Variants in TSPAN18 observed in about 807,000 individuals in gnomAD.
The protein encoded by TSPAN18 is tetraspanin 18, also known as tetraspanin-18.
In TSPAN18, 14 loss-of-function variants were observed where a neutral mutation model predicts 27.3. The observed-to-expected ratio is 0.51, with a 90% CI of 0.34 to 0.80. The LOEUF (loss-of-function observed/expected upper bound fraction) is 0.80, where lower values mean the gene tolerates loss of function less well. TSPAN18 is among the 30% of genes least tolerant of loss of function. TSPAN18 has a pLI of 0.01. For synonymous variants in TSPAN18, 143 were observed against 136.5 expected, an observed-to-expected ratio of 1.05 and a Z score of -0.33; for missense variants, 268 against 323.9, an observed-to-expected ratio of 0.83 and a Z score of 1.32.
At chr11:44,728,159 C>T (rs1235829474) in intron 1 of TSPAN18, among the ~76,000 whole-genome samples, 3 of 152,160 alleles carry the variant, frequency 2.0e-5, no homozygotes, top group African/African-American at 7.2e-5. Context: ...ACTAGCCAGA[C>T]GGGGGAGCGG....
At chr11:44,769,205 T>C (rs1855636022) in intron 2 of TSPAN18, among the ~76,000 whole-genome samples, 1 of 152,176 alleles carries the variant, frequency 6.6e-6, no homozygotes, top group Non-Finnish European at 1.5e-5. Flanking sequence ...TATTATTTGA[T>C]TTGTTAATAT....
intron 1 of TSPAN18, among the ~76,000 whole-genome samples, chr11:44,737,694 G>A (rs1267960357): frequency 1.3e-5 from 2 of 152,118 alleles, no homozygotes; most frequent in African/African-American, 4.8e-5. Flanking sequence ...TGGATTCTCT[G>A]TTGTGTTCAA....
intron 2 of TSPAN18, among the ~76,000 whole-genome samples, chr11:44,817,190 C>T (rs917934054): frequency 1.3e-5 from 2 of 152,336 alleles, no homozygotes; most frequent in Non-Finnish European, 2.9e-5. Flanking sequence ...ATCCTGGGTT[C>T]CAGCTCTGGC....
intron 1 of TSPAN18, among the ~76,000 whole-genome samples, chr11:44,762,248 C>T (rs924166629): frequency 6.6e-6 from 1 of 152,272 alleles, no homozygotes; most frequent in Non-Finnish European, 1.5e-5. Flanking sequence ...GGGAAATAAA[C>T]AAATGGTAAA....
intron 1 of TSPAN18, among the ~76,000 whole-genome samples, chr11:44,730,112 C>CT (rs747144056): frequency 6.9e-4 from 105 of 151,992 alleles, no homozygotes; most frequent in Non-Finnish European, 1.4e-3. Flanking sequence ...GGCTGGCTTG[C>CT]CTCTCTCTGC....
intron 2 of TSPAN18, among the ~76,000 whole-genome samples, chr11:44,836,677 T>G (rs1372595541): frequency 6.6e-6 from 1 of 152,198 alleles, no homozygotes. Flanking sequence ...GCTTCAAGGC[T>G]TCAAAGGACA....
Position 44,906,475 on chromosome 11 carries a change from T to C in TSPAN18, c.59T>C (p.Ile20Thr), listed in dbSNP as rs558315281. ...KYLMFVFNFF[I>T]FLGGACLLAI... ...CTGATGTTTGTATTCAATTTCTTCA[T>C]ATTTGTAAGTATTCCTGGGTCTTCC... The change falls in exon 4 of 10, where the codon ATA (isoleucine) becomes ACA (threonine). Residue 20 changes from isoleucine (I) to threonine (T), a missense_variant. Transcript: ENST00000520358. 27 of 1,613,932 alleles carry C rather than the reference T, an allele frequency of 1.7e-5. No individual in the cohort carries two copies. The East Asian group carries it at 5.6e-4, about 33-fold the overall frequency.
intron 2 of TSPAN18, among the ~76,000 whole-genome samples, chr11:44,851,316 G>A (rs80269581): frequency 0.017 from 2,587 of 152,278 alleles, 87 homozygotes; most frequent in East Asian, 0.14. Context: ...ACTTCCTAGC[G>A]GGGCTAGCCC....
intron 2 of TSPAN18, among the ~76,000 whole-genome samples, chr11:44,814,676 A>ATCCT (rs2135106663): frequency 6.6e-6 from 1 of 151,754 alleles, no homozygotes; most frequent in South Asian, 2.1e-4. Context: ...CCATCCATCC[A>ATCCT]TCCATCCATC....
chr11:44,870,556 C>T (rs564505188), intron 3 of TSPAN18, among the ~76,000 whole-genome samples: 4 of 152,292 alleles, frequency 2.6e-5, no homozygotes, highest in Non-Finnish European at 5.9e-5. Context: ...TACACCTAGT[C>T]AGCAGCTCAC....
At chr11:44,753,150 A>G (rs960627491) in intron 1 of TSPAN18, among the ~76,000 whole-genome samples, 2 of 151,948 alleles carry the variant, frequency 1.3e-5, no homozygotes, top group African/African-American at 4.8e-5. Flanking sequence ...TCTTTTTGAG[A>G]CAGAGTCTTA....
intron 3 of TSPAN18, among the ~76,000 whole-genome samples, chr11:44,877,249 A>G (rs993866852): frequency 1.3e-5 from 2 of 152,202 alleles, no homozygotes; most frequent in South Asian, 2.1e-4. Context: ...GCCCGATGAC[A>G]TTGTGAAGTC....
At chr11:44,788,456 C>CTTTTTTTTTTTT (rs11458938) in intron 2 of TSPAN18, among the ~76,000 whole-genome samples, 12 of 126,778 alleles carry the variant, frequency 9.5e-5, no homozygotes, top group African/African-American at 3.3e-4. Context: ...CTTTTTTTCT[C>CTTTTTTTTTTTT]TTTTTTTTTT....
intron 3 of TSPAN18, among the ~76,000 whole-genome samples, chr11:44,863,592 C>T (rs1373897699): frequency 6.6e-6 from 1 of 152,214 alleles, no homozygotes. Context: ...TTGCAAGCAG[C>T]TGCCCTAGTG....
chr11:44,809,543 C>T (rs1033605958), intron 2 of TSPAN18, among the ~76,000 whole-genome samples: 1 of 152,208 alleles, frequency 6.6e-6, no homozygotes, highest in African/African-American at 2.4e-5. Context: ...AGGACATGGG[C>T]CCGAATAACC....
At chr11:44,899,118 G>A (rs1318016047) in intron 3 of TSPAN18, among the ~76,000 whole-genome samples, 1 of 152,194 alleles carries the variant, frequency 6.6e-6, no homozygotes, top group Non-Finnish European at 1.5e-5. Flanking sequence ...GCTCTCCAGT[G>A]CTTTCCGGGT....
In TSPAN18 at chr11:44,853,666, G is replaced by C. The variant is rs149111748; in HGVS notation, c.-152-6662G>C. Among the ~76,000 whole-genome samples the C allele has an allele frequency of 2.0e-3, 304 of 152,328 alleles. 2 individuals are homozygous for C. The highest frequency in any genetic ancestry group is 1.9e-3 in the Non-Finnish European group (132 of 68,034). ...TCCACTCCAGGCAGCTGCCTGCAGAGCTTCTGCTGGTAACCCCCGCCCCAT... is the reference window on the plus strand; with the variant it reads ...TCCACTCCAGGCAGCTGCCTGCAGACCTTCTGCTGGTAACCCCCGCCCCAT... On this transcript the variant is annotated intron_variant, in intron 2 of 9. Coordinates refer to ENST00000520358, the MANE Select transcript of TSPAN18 (RefSeq NM_130783.5).
At chr11:44,837,709 G>A (rs1857291359) in intron 2 of TSPAN18, among the ~76,000 whole-genome samples, 1 of 152,144 alleles carries the variant, frequency 6.6e-6, no homozygotes, top group Non-Finnish European at 1.5e-5. Flanking sequence ...AGCAACCACT[G>A]CCCTGATCAG....
At chr11:44,842,480 C>G (rs1297959127) in intron 2 of TSPAN18, among the ~76,000 whole-genome samples, 3 of 152,126 alleles carry the variant, frequency 2.0e-5, no homozygotes. Flanking sequence ...GGAGCAGAGT[C>G]CAGGCAGCAT....
Sources: gnomAD v4.1 joint callset for allele counts (sites outside exome capture counted in the v4.1 genomes callset) on GRCh38, gnomAD v4.1.1 for gene constraint, MANE v1.5 for transcripts, NCBI Gene and HGNC (gene_info 2026-07-23, HGNC 2026-07-21) for gene names.